Variants in SLC23A1 observed in about 807,000 individuals in gnomAD.
The protein encoded by SLC23A1 is solute carrier family 23 member 1, also known as Na(+)/L-ascorbic acid transporter 1.
A neutral mutation model predicts 62.5 loss-of-function variants in SLC23A1; 31 were observed. That is an observed-to-expected ratio of 0.50 (90% CI 0.37 to 0.67). The LOEUF (loss-of-function observed/expected upper bound fraction) is 0.67, where lower values mean the gene tolerates loss of function less well. Ranked by LOEUF, SLC23A1 falls within the 30% of genes least tolerant of loss-of-function variation. The pLI is 0.00. For synonymous variants in SLC23A1, 271 were observed against 313.2 expected (o/e 0.87, Z 1.42); for missense variants, 640 against 782.7 (o/e 0.82, Z 2.18).
Position 139,380,090 on chromosome 5 carries a change from C to A in SLC23A1, c.648-14G>T. On this transcript the variant is annotated splice_polypyrimidine_tract_variant and intron_variant, in intron 6 of 14. Transcript: ENST00000348729. ...AGGAGAATGGAGCTGGGGGCAGAGGCACAATCAGGAAGTGGATGGGAGGCC... is the reference window on the plus strand; with the variant it reads ...AGGAGAATGGAGCTGGGGGCAGAGGAACAATCAGGAAGTGGATGGGAGGCC... 1 of 1,601,778 alleles carries A rather than the reference C, an allele frequency of 6.2e-7. No homozygotes were observed. The highest frequency in any genetic ancestry group is 8.5e-7 in the Non-Finnish European group (1 of 1,173,892).
At chr5:139,375,959 C>T (rs1409606502) in intron 13 of SLC23A1, among the ~76,000 whole-genome samples, 2 of 151,954 alleles carry the variant, frequency 1.3e-5, no homozygotes, top group African/African-American at 4.8e-5. Context: ...TAAAGTAAGA[C>T]CCCGTCTCTA....
intron 1 of SLC23A1, 46 bp from the exon 2 acceptor site, chr5:139,382,651 A>G (rs766137027): frequency 7.6e-6 from 9 of 1,186,034 alleles, no homozygotes; most frequent in Non-Finnish European, 1.1e-5. Flanking sequence ...TGATGGGGAC[A>G]GGCAAAATCC....
In SLC23A1 at chr5:139,378,917, C is replaced by G. The variant is rs376410503; in HGVS notation, c.1074-233G>C. Among the ~76,000 whole-genome samples, 2 of 152,148 alleles carry G rather than the reference C, an allele frequency of 1.3e-5. No individual in the cohort carries two copies. The highest frequency in any genetic ancestry group is 4.8e-5 in the African/African-American group (2 of 41,432). ...TCCTCCTGGGATAAATACCGGTGCC[C>G]GTCTCACAAAATGCTTCAAAGATTG... On this transcript the variant is annotated intron_variant, in intron 9 of 14. Transcript: ENST00000348729. The surrounding 1 kb of genome is among the most constrained non-coding windows in gnomAD (Gnocchi z 4.5).
At chr5:139,384,302 C>T (rs1235567203), upstream of SLC23A1, 2 of 1,191,134 alleles carry the variant, frequency 1.7e-6, no homozygotes, top group African/African-American at 3.2e-5. Context: ...GGCCTGAGGT[C>T]CCCATTCTGT....
rs187712375 is a variant in SLC23A1, at chr5:139,375,298, C to T, written c.1549+2104G>A. Among the ~76,000 whole-genome samples, 965 of 152,326 alleles carry T rather than the reference C, an allele frequency of 6.3e-3. 12 individuals carry two copies. The highest frequency in any genetic ancestry group is 0.024 in the Middle Eastern group (7 of 294). On this transcript the variant is annotated intron_variant, in intron 13 of 14. Coordinates refer to ENST00000348729, the MANE Select transcript of SLC23A1 (RefSeq NM_005847.5). The stretch of plus-strand genomic sequence containing the variant: ...TCCTGCAGCCCAGGTCCCCTGAAAC[C>T]CTCCAGCAGAGGCAGTATGGTGCAG...
At chr5:139,370,095 C>T (rs2098036475) in intron 14 of SLC23A1, among the ~76,000 whole-genome samples, 1 of 152,180 alleles carries the variant, frequency 6.6e-6, no homozygotes, top group African/African-American at 2.4e-5. Context: ...ATAGTCAGTT[C>T]TGACTCACAT....
At chr5:139,371,475 G>C (rs148300251) in intron 14 of SLC23A1, among the ~76,000 whole-genome samples, 1 of 152,260 alleles carries the variant, frequency 6.6e-6, no homozygotes, top group African/African-American at 2.4e-5. Flanking sequence ...ACCTCATCAG[G>C]GCTTGTACAG....
At chr5:139,382,717 G>A in intron 1 of SLC23A1, 112 bp from the exon 2 acceptor site, 1 of 709,442 alleles carries the variant, frequency 1.4e-6, no homozygotes, top group Non-Finnish European at 2.5e-6. Context: ...ACTGAGAGCG[G>A]GGTTCCCGCC....
chr5:139,382,106 G>C (rs994226588), intron 2 of SLC23A1, 57 bp from the exon 3 acceptor site: 17 of 1,533,922 alleles, frequency 1.1e-5, no homozygotes, highest in African/African-American at 4.1e-5. Flanking sequence ...TCCAGGGAGA[G>C]GGGACAACCT....
intron 1 of SLC23A1, 40 bp from the exon 2 acceptor site, chr5:139,382,645 G>A: frequency 1.6e-6 from 2 of 1,259,470 alleles, no homozygotes; most frequent in Non-Finnish European, 2.3e-6. Context: ...GTGAAGTGAT[G>A]GGGACAGGCA....
At chr5:139,383,575 C>T (rs574256404), upstream of SLC23A1, among the ~76,000 whole-genome samples, 4 of 152,216 alleles carry the variant, frequency 2.6e-5, no homozygotes, top group Non-Finnish European at 4.4e-5. Context: ...CCCAGGTGAG[C>T]GGAGAAAGAG....
At chr5:139,368,210 C>T (rs573836882) in intron 14 of SLC23A1, among the ~76,000 whole-genome samples, 20 of 152,228 alleles carry the variant, frequency 1.3e-4, no homozygotes, top group Admixed American at 2.0e-4. Flanking sequence ...TGGCGGTGGG[C>T]GCCTGTAGTC....
At chr5:139,384,821 A>G, upstream of SLC23A1, 2 of 855,004 alleles carry the variant, frequency 2.3e-6, no homozygotes, top group Non-Finnish European at 2.8e-6. Context: ...GCCCGGCTCC[A>G]CACCCTGTCC....
upstream of SLC23A1, chr5:139,384,241 G>A: frequency 1.2e-6 from 1 of 805,792 alleles, no homozygotes. Context: ...TGGCAGAGGG[G>A]GACATGGGGA....
intron 14 of SLC23A1, among the ~76,000 whole-genome samples, chr5:139,368,163 G>A (rs534333407): frequency 9.2e-5 from 14 of 152,172 alleles, no homozygotes; most frequent in South Asian, 6.2e-4. Flanking sequence ...GTGAAACCCC[G>A]TCTTTACTAA....
chr5:139,372,749 T>C (rs781618099), intron 13 of SLC23A1, among the ~76,000 whole-genome samples: 1 of 152,154 alleles, frequency 6.6e-6, no homozygotes, highest in Non-Finnish European at 1.5e-5. Context: ...CATGCCCAGC[T>C]AATTTTTGTA....
chr5:139,381,516 C>T (rs903644190), intron 3 of SLC23A1, among the ~76,000 whole-genome samples: 10 of 150,456 alleles, frequency 6.6e-5, no homozygotes, highest in Non-Finnish European at 1.2e-4. Context: ...ATCGCTTGAA[C>T]GCGGGAGAAT....
At chr5:139,375,225 C>T (rs1234920139) in intron 13 of SLC23A1, among the ~76,000 whole-genome samples, 2 of 152,206 alleles carry the variant, frequency 1.3e-5, no homozygotes, top group African/African-American at 4.8e-5. Context: ...CCTTATGTCC[C>T]TATACTGATG....
In SLC23A1 at chr5:139,378,920, C is replaced by T. The variant is rs1758089154; in HGVS notation, c.1074-236G>A. ...TCCTGGGATAAATACCGGTGCCCGT[C>T]TCACAAAATGCTTCAAAGATTGCAT... On this transcript the variant is annotated intron_variant, in intron 9 of 14. Coordinates refer to ENST00000348729, the MANE Select transcript of SLC23A1 (RefSeq NM_005847.5). This position sits in a 1 kb window ranked among gnomAD's most constrained non-coding sequence, Gnocchi z 4.5. Among the ~76,000 whole-genome samples the T allele has an allele frequency of 6.6e-6, 1 of 152,186 alleles. No homozygotes were observed. Among genetic ancestry groups the T allele is most frequent in the African/African-American group, 2.4e-5 (1 of 41,446 alleles).
Sources: allele counts gnomAD v4.1 joint callset (sites outside exome capture counted in the v4.1 genomes callset), GRCh38; gene constraint gnomAD v4.1.1; non-coding constraint Gnocchi (gnomAD v3.1); transcripts MANE v1.5; gene names NCBI Gene and HGNC (gene_info 2026-07-23, HGNC 2026-07-21).